TSC2: variants seen among roughly 807,000 people sequenced by gnomAD.
TSC2 encodes the protein tuberin.
In TSC2, 29 loss-of-function variants were observed where a neutral mutation model predicts 202.2. That is an observed-to-expected ratio of 0.14 (90% CI 0.11 to 0.20). The LOEUF (loss-of-function observed/expected upper bound fraction) is 0.20. Among genes scored for constraint, TSC2 ranks in the 10% least tolerant of loss-of-function variants. The pLI, the probability that TSC2 is intolerant of heterozygous loss-of-function variation, is 1.00. For missense variants in TSC2, 2,429 were observed against 2,420.0 expected (o/e 1.00, Z -0.08); for synonymous variants, 1,349 against 1,044.0 (o/e 1.29, Z -5.63).
At chr16:2,073,085 G>T in intron 21 of TSC2, 102 bp downstream of exon 21, 1 of 1,560,164 alleles carries the variant, frequency 6.4e-7, no homozygotes, top group South Asian at 1.2e-5. Context: ...TTTCTGCCAG[G>T]CCAGGGATGA....
intron 24 of TSC2, 65 bp downstream of exon 24, chr16:2,076,235 T>C (rs762826773): frequency 6.3e-5 from 101 of 1,606,570 alleles, no homozygotes; most frequent in Non-Finnish European, 8.2e-5. Flanking sequence ...CCCTTGGCTG[T>C]CCATGGTCGG....
rs45437797 is a variant in TSC2, at chr16:2,071,552, C to T, written c.1882C>T (p.Arg628Cys). ...GCTGCTGCGGGCCGACTCACTGCAC[C>T]GCCTGGGCCTGCCCAACAAGGATGG... ...LLLLRADSLH[R>C]LGLPNKDGVV... The change falls in exon 18 of 42, where the codon CGC (arginine) becomes TGC (cysteine). Residue 628 changes from arginine (R) to cysteine (C), a missense_variant. Arg to Cys is a radical substitution (Grantham distance 180). Coordinates refer to ENST00000219476, the MANE Select transcript of TSC2 (RefSeq NM_000548.5). The T allele has an allele frequency of 3.3e-5, 53 of 1,613,416 alleles. No individual in the cohort carries two copies. Among genetic ancestry groups the T allele is most frequent in the African/African-American group, 4.0e-5 (3 of 74,906 alleles).
At chr16:2,077,460 TGCTCA>T in intron 25 of TSC2, 133 bp from the exon 26 acceptor site, 1 of 1,303,708 alleles carries the variant, frequency 7.7e-7, no homozygotes, top group Admixed American at 1.9e-5. Context: ...TGGCTCTTTT[TGCTCA>T]TCTCACCCGC....
chr16:2,059,524 T>TG (rs1325904001), intron 10 of TSC2, among the ~76,000 whole-genome samples: 4 of 146,330 alleles, frequency 2.7e-5, no homozygotes, highest in African/African-American at 7.5e-5. Context: ...TTTTTTTTTT[T>TG]TTTTTTTTTA....
chr16:2,061,518 C>A (rs1483483414), intron 11 of TSC2: 1 of 397,534 alleles, frequency 2.5e-6, no homozygotes, highest in South Asian at 2.1e-5. Context: ...CTTGGCCCTC[C>A]TGCCCGAGCT....
chr16:2,082,862 C>T (rs2090308830), intron 32 of TSC2: 8 of 422,822 alleles, frequency 1.9e-5, no homozygotes, highest in Admixed American at 3.5e-5. Flanking sequence ...CTGCACCGAG[C>T]GGGCCTTGCC....
chr16:2,062,401 G>C (rs2086747938), intron 12 of TSC2, 96 bp from the exon 13 acceptor site: 2 of 1,213,160 alleles, frequency 1.6e-6, no homozygotes, highest in Non-Finnish European at 1.2e-6. Flanking sequence ...AGGCGGCTGG[G>C]CTCTGACAGC....
At chr16:2,056,838 C>T (rs1436219065) in intron 8 of TSC2, 69 bp downstream of exon 8, 5 of 1,597,302 alleles carry the variant, frequency 3.1e-6, no homozygotes, top group Non-Finnish European at 4.2e-6. Flanking sequence ...CATCCTGTCT[C>T]CCATGAATGG....
chr16:2,080,027 T>C, intron 29 of TSC2, 138 bp from the exon 30 acceptor site: 4 of 1,202,378 alleles, frequency 3.3e-6, no homozygotes, highest in Non-Finnish European at 4.8e-6. Context: ...TGGTGGGCCG[T>C]GCCCCAAGGG....
intron 36 of TSC2, among the ~76,000 whole-genome samples, chr16:2,085,543 G>T (rs2090670311): frequency 6.6e-6 from 1 of 152,250 alleles, no homozygotes; most frequent in African/African-American, 2.4e-5. Flanking sequence ...ACACCAAGGA[G>T]TGGGAAGGAC....
At chr16:2,062,874 A>C (rs1482967928) in intron 13 of TSC2, 98 bp from the exon 14 acceptor site, 1 of 1,368,592 alleles carries the variant, frequency 7.3e-7, no homozygotes, top group Non-Finnish European at 1.0e-6. Flanking sequence ...TGGCCGCGGG[A>C]GGACCCAGAG....
intron 34 of TSC2, 90 bp from the exon 35 acceptor site, chr16:2,084,861 G>C: frequency 6.2e-7 from 1 of 1,603,278 alleles, no homozygotes; most frequent in South Asian, 1.1e-5. Flanking sequence ...GGTGGAGTGG[G>C]AGATGGCCAG....
In TSC2 at chr16:2,088,988, A is replaced by G. The variant is rs191697830; in HGVS notation, c.*378A>G. On this transcript the variant is annotated 3_prime_UTR_variant, in exon 42 of 42. Transcript: ENST00000219476. ...GTCCTCTGACATGCCTAGTCCTGCT[A>G]CTTGCCCAGACCTGATGCCAGCAGG... 7.8e-5 allele frequency: 22 copies of G among 281,702 alleles called. No homozygotes were observed. In the Admixed American group the frequency reaches 1.0e-3, roughly 13 times the overall value. The allele number at this position is 281,702 out of a possible 1,614,324, so 17.5% of individuals were successfully genotyped here.
chr16:2,051,462 C>T (rs1427522639), intron 3 of TSC2, among the ~76,000 whole-genome samples: 1 of 152,126 alleles, frequency 6.6e-6, no homozygotes, highest in Non-Finnish European at 1.5e-5. Context: ...GTCTTGGTGC[C>T]ATTTTGGGAG....
chr16:2,086,502 C>A (rs754237529), intron 37 of TSC2, 123 bp downstream of exon 37: 2 of 1,452,514 alleles, frequency 1.4e-6, no homozygotes, highest in Non-Finnish European at 1.9e-6. Flanking sequence ...GCTCCCCACG[C>A]CTCAGGTTCC....
chr16:2,064,766 C>T (rs1022852891), intron 15 of TSC2: 16 of 418,814 alleles, frequency 3.8e-5, no homozygotes, highest in African/African-American at 6.1e-5. Flanking sequence ...TTTTCAGATG[C>T]ATTTTGGTTT....
intron 19 of TSC2, 31 bp downstream of exon 19, chr16:2,071,965 C>G (rs1163250867): frequency 3.9e-6 from 6 of 1,547,358 alleles, no homozygotes; most frequent in Non-Finnish European, 5.2e-6. Context: ...ACCATCCGTC[C>G]CACGTTGGGC....
rs896590452 is a variant in TSC2, at chr16:2,079,923, T to C, written c.3398-242T>C. Among the ~76,000 whole-genome samples, 1 of 152,200 alleles carries C rather than the reference T, an allele frequency of 6.6e-6. No individual in the cohort carries two copies. Among genetic ancestry groups the C allele is most frequent in the Admixed American group, 6.5e-5 (1 of 15,294 alleles). On this transcript the variant is annotated intron_variant, in intron 29 of 41. Coordinates refer to ENST00000219476, the MANE Select transcript of TSC2 (RefSeq NM_000548.5). This position sits in a 1 kb window ranked among gnomAD's most constrained non-coding sequence, Gnocchi z 4.6. ...GCGGGTTTTCAGCTCGGCTCAGTCCTGGAGCCCTTCTCTGCTCCAGCGAGC... is the reference window on the plus strand; with the variant it reads ...GCGGGTTTTCAGCTCGGCTCAGTCCCGGAGCCCTTCTCTGCTCCAGCGAGC...
intron 17 of TSC2, among the ~76,000 whole-genome samples, chr16:2,070,840 CG>C (rs2088210136): frequency 6.6e-6 from 1 of 152,200 alleles, no homozygotes; most frequent in African/African-American, 2.4e-5. Flanking sequence ...CGGCGACTTC[CG>C]GGGCAGTGCA....
Sources: allele counts gnomAD v4.1 joint callset (sites outside exome capture counted in the v4.1 genomes callset), GRCh38; gene constraint gnomAD v4.1.1; non-coding constraint Gnocchi (gnomAD v3.1); transcripts MANE v1.5; gene names NCBI Gene and HGNC (gene_info 2026-07-23, HGNC 2026-07-21).